Variants in TMTC2 observed in about 807,000 individuals in gnomAD.
TMTC2 encodes transmembrane O-mannosyltransferase targeting cadherins 2, also known as protein O-mannosyl-transferase TMTC2.
TMTC2 carries 43 observed loss-of-function variants against 82.4 expected under a neutral mutation model. The observed-to-expected ratio is 0.52, with a 90% CI of 0.41 to 0.67. The LOEUF is 0.67. TMTC2 is among the 30% of genes least tolerant of loss of function. The probability of loss-of-function intolerance (pLI) is 0.00; values close to 1 mark genes in which losing one functional copy is unlikely to be tolerated. For synonymous variants in TMTC2, 408 were observed against 381.9 expected (o/e 1.07, Z -0.80); for missense variants, 919 against 1,012.4 (o/e 0.91, Z 1.25).
chr12:82,870,780 T>C lies in TMTC2; in HGVS notation c.654+13200T>C, dbSNP rs557268059. Among the ~76,000 whole-genome samples, 7 of 152,232 alleles carry C rather than the reference T, an allele frequency of 4.6e-5. No individual in the cohort carries two copies. The South Asian group carries it at 1.2e-3, about 27-fold the overall frequency. On this transcript the variant is annotated intron_variant, in intron 2 of 11. Coordinates refer to ENST00000321196, the MANE Select transcript of TMTC2 (RefSeq NM_152588.3). ...GGCAACCCTAATGTAAAAGTGAAAA[T>C]GACTCCAAAACTGAGCATATTTCAG...
chr12:82,882,424 G>C (rs148026755), intron 2 of TMTC2, among the ~76,000 whole-genome samples: 1 of 152,168 alleles, frequency 6.6e-6, no homozygotes, highest in Non-Finnish European at 1.5e-5. Flanking sequence ...TGGGATTAGA[G>C]TTGTTTTTTC....
intron 1 of TMTC2, among the ~76,000 whole-genome samples, chr12:82,751,189 A>G (rs899857068): frequency 2.0e-5 from 3 of 152,210 alleles, no homozygotes; most frequent in African/African-American, 4.8e-5. Context: ...CATATACACA[A>G]TGGAATACTA....
At chr12:82,845,948 T>G (rs1433835893) in intron 1 of TMTC2, among the ~76,000 whole-genome samples, 1 of 151,806 alleles carries the variant, frequency 6.6e-6, no homozygotes, top group Admixed American at 6.6e-5. Flanking sequence ...TGTTTGTTTT[T>G]TTTTTTTTTG....
chr12:83,104,265 C>G (rs529853123), intron 11 of TMTC2, among the ~76,000 whole-genome samples: 5 of 152,334 alleles, frequency 3.3e-5, no homozygotes, highest in Admixed American at 2.6e-4. Context: ...GCAATGATCT[C>G]TGTCCCATAG....
At chr12:82,821,305 G>T (rs962682843) in intron 1 of TMTC2, among the ~76,000 whole-genome samples, 7 of 152,154 alleles carry the variant, frequency 4.6e-5, no homozygotes, top group Non-Finnish European at 1.0e-4. Context: ...TCTCACAAAA[G>T]TCCTGGCCTA....
chr12:82,857,020 A>G lies in TMTC2; in HGVS notation c.94A>G (p.Lys32Glu). The G allele has an allele frequency of 6.2e-7, 1 of 1,611,710 alleles. No homozygotes were observed. The highest frequency in any genetic ancestry group is 1.3e-5 in the African/African-American group (1 of 74,950). The change falls in exon 2 of 12, where the codon AAG (lysine) becomes GAG (glutamate). Residue 32 changes from lysine to glutamate, a missense_variant. Coordinates refer to ENST00000321196, the MANE Select transcript of TMTC2 (RefSeq NM_152588.3). ...CGTTTTGTTTTTTAGCCGTGCTATC[A>G]AGACTAATCAGGACCTTCTCCCAGA... ...DFCYDDSRAI[K>E]TNQDLLPETP...
intron 1 of TMTC2, among the ~76,000 whole-genome samples, chr12:82,848,534 A>C (rs1041952183): frequency 2.6e-5 from 4 of 152,094 alleles, no homozygotes; most frequent in Non-Finnish European, 5.9e-5. Context: ...TATTTTGCTC[A>C]TCATTCCATT....
intron 11 of TMTC2, among the ~76,000 whole-genome samples, chr12:83,064,668 C>T (rs577286264): frequency 4.0e-5 from 6 of 151,840 alleles, no homozygotes; most frequent in Admixed American, 2.6e-4. Context: ...CTAACCAGCC[C>T]AACCCTGCTT....
chr12:82,779,535 G>C (rs1023982654), intron 1 of TMTC2, among the ~76,000 whole-genome samples: 1 of 152,076 alleles, frequency 6.6e-6, no homozygotes, highest in South Asian at 2.1e-4. Flanking sequence ...CTGTAACCAA[G>C]AATAGTGAAG....
chr12:83,030,576 C>T (rs894827394), intron 8 of TMTC2, among the ~76,000 whole-genome samples: 3 of 152,142 alleles, frequency 2.0e-5, no homozygotes, highest in African/African-American at 7.2e-5. Context: ...GGGCCATTCT[C>T]ATCTTCTGTT....
intron 8 of TMTC2, among the ~76,000 whole-genome samples, chr12:82,986,745 G>C (rs1196024465): frequency 6.6e-6 from 1 of 152,168 alleles, no homozygotes; most frequent in Non-Finnish European, 1.5e-5. Flanking sequence ...AGTGACATGA[G>C]TATGGAGCAT....
chr12:82,716,253 A>G (rs953644338), intron 1 of TMTC2, among the ~76,000 whole-genome samples: 1 of 152,192 alleles, frequency 6.6e-6, no homozygotes, highest in Non-Finnish European at 1.5e-5. Context: ...TATTTGTGCC[A>G]TCAGAGAGCT....
chr12:82,828,609 C>G (rs752595075), intron 1 of TMTC2, among the ~76,000 whole-genome samples: 1 of 152,022 alleles, frequency 6.6e-6, no homozygotes, highest in Non-Finnish European at 1.5e-5. Context: ...GAGTGATAGA[C>G]TTTGCTAGGT....
intron 7 of TMTC2, among the ~76,000 whole-genome samples, chr12:82,969,414 AT>A (rs980464617): frequency 6.6e-6 from 1 of 151,770 alleles, no homozygotes; most frequent in Non-Finnish European, 1.5e-5. Flanking sequence ...TTCCCATTCT[AT>A]TTTTTTCTTT....
intron 10 of TMTC2, among the ~76,000 whole-genome samples, chr12:83,054,409 A>G (rs986419095): frequency 6.6e-6 from 1 of 152,046 alleles, no homozygotes; most frequent in Non-Finnish European, 1.5e-5. Flanking sequence ...TTTAACTAGA[A>G]GCTATAAATA....
intron 4 of TMTC2, among the ~76,000 whole-genome samples, chr12:82,937,799 C>CAT (rs1565818471): frequency 3.1e-4 from 8 of 26,106 alleles, no homozygotes; most frequent in Non-Finnish European, 5.9e-4. Context: ...TATATATACA[C>CAT]ACATATATAT....
intron 1 of TMTC2, among the ~76,000 whole-genome samples, chr12:82,714,033 C>T (rs899858716): frequency 2.4e-4 from 36 of 152,206 alleles, no homozygotes; most frequent in African/African-American, 8.4e-4. Flanking sequence ...ATCATTATTG[C>T]GAGGGAAATT....
chr12:83,063,226 G>T (rs1882804584), intron 11 of TMTC2, among the ~76,000 whole-genome samples: 6 of 151,386 alleles, frequency 4.0e-5, no homozygotes, highest in Admixed American at 4.0e-4. Flanking sequence ...GTTAATGAGG[G>T]TCTTATTACC....
intron 3 of TMTC2, among the ~76,000 whole-genome samples, chr12:82,902,134 C>G (rs1874054039): frequency 6.6e-6 from 1 of 152,074 alleles, no homozygotes; most frequent in Non-Finnish European, 1.5e-5. Flanking sequence ...GACAGATGCT[C>G]TGGGTATATT....
Sources: gnomAD v4.1 joint callset for allele counts (sites outside exome capture counted in the v4.1 genomes callset) on GRCh38, gnomAD v4.1.1 for gene constraint, MANE v1.5 for transcripts, NCBI Gene and HGNC (gene_info 2026-07-23, HGNC 2026-07-21) for gene names.